SNX18: variants seen among roughly 807,000 people sequenced by gnomAD.
SNX18 encodes the protein sorting nexin 18.
SNX18 carries 35 observed loss-of-function variants against 48.7 expected under a neutral mutation model. The ratio of observed to expected loss-of-function variants is 0.72; its 90% CI spans 0.55 to 0.95. The LOEUF is 0.95. Among genes scored for constraint, SNX18 ranks in the 40% least tolerant of loss-of-function variants. SNX18 has a pLI of 0.00. For missense variants in SNX18, 824 were observed against 871.0 expected (o/e 0.95, Z 0.68); for synonymous variants, 492 against 384.7 (o/e 1.28, Z -3.26).
chr5:54,570,029 C>T, the SNX18 span, among the ~76,000 whole-genome samples: 4 of 152,304 alleles, frequency 2.6e-5, no homozygotes, highest in East Asian at 1.9e-4. Flanking sequence ...ACACTCAGTA[C>T]GTGTAAACGT....
At position 54,544,644 on chromosome 5, in the gene SNX18, C is replaced by A. The variant is rs1025221529; in HGVS notation, c.*1212C>A. On this transcript the variant is annotated 3_prime_UTR_variant, in exon 2 of 2. Transcript: ENST00000381410. ...AAAAAGGTATTGATGAGCCCCCCCC[C>A]CCCAGGACATTTAACCTTAAAATTT... is the stretch of plus-strand genomic sequence containing the variant. 1.5e-5 allele frequency: 2 copies of A among 137,580 alleles called. No homozygotes were observed. The highest frequency in any genetic ancestry group is 7.4e-5 in the Admixed American group (1 of 13,574). The allele number at this position is 137,580 out of a possible 1,614,324, so 8.5% of individuals were successfully genotyped here. A position where few individuals can be genotyped will look rare whatever the true frequency, so the allele number is the denominator to read the frequency against.
At chr5:54,623,477 A>G in the SNX18 span, among the ~76,000 whole-genome samples, 113 of 152,120 alleles carry the variant, frequency 7.4e-4, 2 homozygotes, top group South Asian at 0.023. Flanking sequence ...CATGGCTCTG[A>G]AACAGGGCAA....
At chr5:54,539,299 G>A (rs1561121082) in intron 1 of SNX18, among the ~76,000 whole-genome samples, 1 of 152,202 alleles carries the variant, frequency 6.6e-6, no homozygotes, top group African/African-American at 2.4e-5. Flanking sequence ...GCTCAAAGAT[G>A]TTGAGTAACT....
the SNX18 span, among the ~76,000 whole-genome samples, chr5:54,571,403 G>A: frequency 1.3e-5 from 2 of 152,142 alleles, no homozygotes; most frequent in Non-Finnish European, 2.9e-5. Flanking sequence ...ATTCTAAGAC[G>A]CTTGGCAGTG....
chr5:54,537,916 G>C (rs1353059013), intron 1 of SNX18, among the ~76,000 whole-genome samples: 1 of 152,190 alleles, frequency 6.6e-6, no homozygotes, highest in Non-Finnish European at 1.5e-5. Flanking sequence ...TCTGCAGCTG[G>C]TTGTATTGTA....
At chr5:54,594,764 T>A in the SNX18 span, among the ~76,000 whole-genome samples, 1 of 152,194 alleles carries the variant, frequency 6.6e-6, no homozygotes, top group Non-Finnish European at 1.5e-5. Context: ...TGGGGTACGA[T>A]TGATCCTATC....
chr5:54,519,790 C>A (rs1580091408), intron 1 of SNX18: 1 of 1,613,700 alleles, frequency 6.2e-7, no homozygotes, highest in Non-Finnish European at 8.5e-7. Flanking sequence ...AATGAGTACT[C>A]TTTCTCGAAG....
chr5:54,535,852 G>C (rs983922490), intron 1 of SNX18, among the ~76,000 whole-genome samples: 4 of 152,202 alleles, frequency 2.6e-5, no homozygotes, highest in African/African-American at 9.7e-5. Flanking sequence ...GCCTTCCCCA[G>C]AGGGCATCTC....
At chr5:54,642,868 T>C in the SNX18 span, among the ~76,000 whole-genome samples, 1 of 152,116 alleles carries the variant, frequency 6.6e-6, no homozygotes, top group Non-Finnish European at 1.5e-5. Context: ...ACATATTTAA[T>C]GGGTTACAGA....
rs183639609 is a variant in SNX18 at position 54,545,335 on chromosome 5, G to T, written c.*1903G>T. ...TAGCATTTAAGTTTGAGTCTGTATT[G>T]GACAAATAAGCACCATGCTTTTCAA... On this transcript the variant is annotated 3_prime_UTR_variant, in exon 2 of 2. Transcript: ENST00000381410. 6.6e-6 allele frequency: 1 copy of T among 151,778 alleles called. No individual in the cohort carries two copies. Among genetic ancestry groups the T allele is most frequent in the East Asian group, 1.9e-4 (1 of 5,170 alleles). 9.4% of individuals were successfully genotyped at this position (151,778 alleles called of 1,614,324 possible). A position where few individuals can be genotyped will look rare whatever the true frequency, so the allele number is the denominator to read the frequency against.
chr5:54,624,739 G>A, the SNX18 span, among the ~76,000 whole-genome samples: 1 of 152,158 alleles, frequency 6.6e-6, no homozygotes, highest in Admixed American at 6.5e-5. Flanking sequence ...TTTTAATAGA[G>A]TATGTCAAAG....
chr5:54,574,407 G>T, the SNX18 span, among the ~76,000 whole-genome samples: 1 of 152,146 alleles, frequency 6.6e-6, no homozygotes, highest in African/African-American at 2.4e-5. Flanking sequence ...TCAGGGGTTG[G>T]CAAAGACCCC....
chr5:54,581,457 G>A, the SNX18 span, among the ~76,000 whole-genome samples: 33 of 151,982 alleles, frequency 2.2e-4, no homozygotes, highest in East Asian at 5.6e-3. Context: ...TGACTCCCCC[G>A]GCAAAAAGGA....
intron 1 of SNX18, among the ~76,000 whole-genome samples, chr5:54,525,572 A>T (rs181224892): frequency 2.6e-4 from 39 of 152,252 alleles, no homozygotes; most frequent in Admixed American, 2.0e-3. Context: ...GGCAACTGGG[A>T]TAAATGTAGA....
At chr5:54,533,387 T>C (rs1762286591) in intron 1 of SNX18, among the ~76,000 whole-genome samples, 1 of 152,176 alleles carries the variant, frequency 6.6e-6, no homozygotes, top group African/African-American at 2.4e-5. Flanking sequence ...GCAGGAATAG[T>C]ATTTAGGGTC....
At chr5:54,592,853 T>G in the SNX18 span, among the ~76,000 whole-genome samples, 1 of 152,204 alleles carries the variant, frequency 6.6e-6, no homozygotes, top group Non-Finnish European at 1.5e-5. Flanking sequence ...TAGGCTGGAG[T>G]GCAGTGGAGC....
At chr5:54,621,714 GTTAAAGATAGACC>G in the SNX18 span, among the ~76,000 whole-genome samples, 1 of 152,198 alleles carries the variant, frequency 6.6e-6, no homozygotes, top group African/African-American at 2.4e-5. Flanking sequence ...TCAGAGAAGG[GTTAAAGATAGACC>G]CCTCTGGCTG....
In SNX18 at chr5:54,543,425, G is replaced by C; in HGVS notation, c.1868G>C (p.Ser623Thr). The C allele has an allele frequency of 6.2e-7, 1 of 1,613,618 alleles. No individual in the cohort carries two copies. The highest frequency in any genetic ancestry group is 1.7e-5 in the Admixed American group (1 of 59,970). The change falls in exon 2 of 2, where the codon AGT becomes ACT. Residue 623 changes from serine to threonine, a missense_variant. Physicochemically the swap from Ser to Thr is moderately conservative, Grantham distance 58. Transcript: ENST00000381410. ...GAAGAAGCTCTTCACAAATATGATA[G>C]TGTTTAATGACTGGACGTTGGATTA... Reference protein sequence around the residue: ...KLEEALHKYDSV With the variant: ...KLEEALHKYDTV
At chr5:54,539,324 G>T (rs935666613) in intron 1 of SNX18, among the ~76,000 whole-genome samples, 3 of 152,206 alleles carry the variant, frequency 2.0e-5, no homozygotes, top group Non-Finnish European at 4.4e-5. Context: ...CAATTTCCTT[G>T]TAGTAAAACT....
Sources: allele counts gnomAD v4.1 joint callset (sites outside exome capture counted in the v4.1 genomes callset), GRCh38; gene constraint gnomAD v4.1.1; transcripts MANE v1.5; gene names NCBI Gene and HGNC (gene_info 2026-07-23, HGNC 2026-07-21).